The following COL4A5 variants were observed in gnomAD, a reference collection of about 807,000 sequenced individuals.
The protein encoded by COL4A5 is collagen alpha-5(IV) chain.
In COL4A5, 26 loss-of-function variants were observed where a neutral mutation model predicts 130.2. The ratio of observed to expected loss-of-function variants is 0.20; its 90% confidence interval spans 0.15 to 0.28. The LOEUF is 0.28. COL4A5 is among the 10% of genes least tolerant of loss of function. The probability of loss-of-function intolerance (pLI) is 1.00; values close to 1 mark genes in which losing one functional copy is unlikely to be tolerated. For synonymous variants in COL4A5, 496 were observed against 439.6 expected (o/e 1.13, Z -1.60); for missense variants, 1,131 against 1,344.3 (o/e 0.84, Z 2.48).
chrX:108,602,312 T>A (rs1265741510), intron 27 of COL4A5, among the ~76,000 whole-genome samples: 2 of 112,239 alleles, frequency 1.8e-5, no homozygotes, highest in East Asian at 5.6e-4. Flanking sequence ...CACTTGATGT[T>A]TATTGAGTTA....
Position 108,601,923 on chromosome X carries a change from A to T in COL4A5, c.2080A>T (p.Ile694Leu). The change falls in exon 27 of 53, where the codon ATA becomes TTA. Residue 694 changes from isoleucine (I) to leucine (L), a missense_variant. Physicochemically the swap from Ile to Leu is conservative, Grantham distance 5. Coordinates refer to ENST00000328300, the MANE Select transcript of COL4A5 (RefSeq NM_033380.3). ...GLPGQPGLPG[I>L]PGSKGEPGIP... ...TCCAGGGCAACCAGGCTTGCCAGGG[A>T]TACCTGGTAGCAAAGGAGAACCAGG... 8.6e-7 allele frequency: 1 copy of T among 1,163,741 alleles called. No individual in the cohort carries two copies. Among genetic ancestry groups the T allele is most frequent in the Non-Finnish European group, 1.2e-6 (1 of 868,430 alleles).
chrX:108,520,186 C>T (rs1277779650), intron 1 of COL4A5, among the ~76,000 whole-genome samples: 1 of 111,299 alleles, frequency 9.0e-6, no homozygotes, highest in Admixed American at 9.6e-5. Context: ...CTCTCCTCTT[C>T]TGTTTTCTGG....
intron 22 of COL4A5, 28 bp downstream of exon 22, chrX:108,595,629 A>C: frequency 8.6e-7 from 1 of 1,166,985 alleles, no homozygotes; most frequent in Non-Finnish European, 1.2e-6. Context: ...GTAACCTTCT[A>C]AATATTTTTT....
At chrX:108,477,975 GT>G (rs1337496654) in intron 1 of COL4A5, among the ~76,000 whole-genome samples, 1 of 110,831 alleles carries the variant, frequency 9.0e-6, no homozygotes, top group African/African-American at 3.3e-5. Context: ...GCAGGTCGTG[GT>G]TTTTTTTCCT....
chrX:108,526,660 CT>C (rs776259186), intron 1 of COL4A5, among the ~76,000 whole-genome samples: 788 of 38,684 alleles, frequency 0.02, 40 homozygotes, highest in African/African-American at 0.08. Flanking sequence ...TTCTTTCTTT[CT>C]TCTTTCTTTC....
chrX:108,580,822 C>G (rs761049283), intron 15 of COL4A5, 84 bp downstream of exon 15: 76 of 1,003,969 alleles, frequency 7.6e-5, no homozygotes, highest in Non-Finnish European at 9.7e-5. Context: ...CCTACATCTT[C>G]CATTGTTTCA....
chrX:108,621,178 G>T (rs2067041285), intron 31 of COL4A5, among the ~76,000 whole-genome samples: 1 of 88,332 alleles, frequency 1.1e-5, no homozygotes, highest in African/African-American at 4.5e-5. Flanking sequence ...TTTGAGACAG[G>T]GTCTCACTCT....
chrX:108,661,427 T>A (rs541133574), intron 37 of COL4A5, among the ~76,000 whole-genome samples: 3 of 112,127 alleles, frequency 2.7e-5, no homozygotes, highest in African/African-American at 9.7e-5. Context: ...TTCCATTTGG[T>A]TCTTTTAAGA....
At chrX:108,587,364 G>A (rs1278153780) in intron 19 of COL4A5, among the ~76,000 whole-genome samples, 1 of 105,822 alleles carries the variant, frequency 9.4e-6, no homozygotes, top group Non-Finnish European at 1.9e-5. Flanking sequence ...ATGAGAACAT[G>A]CATTTGTATT....
chrX:108,520,719 C>T (rs755920237), intron 1 of COL4A5, among the ~76,000 whole-genome samples: 1 of 111,477 alleles, frequency 9.0e-6, no homozygotes, highest in Admixed American at 9.5e-5. Flanking sequence ...TCCAACCTTT[C>T]TGTGTAACTG....
rs2068742467 is a variant in COL4A5, at chrX:108,696,740, A to G, written c.*362A>G. On this transcript the variant is annotated 3_prime_UTR_variant, in exon 53 of 53. Transcript: ENST00000328300. Reference sequence around the variant, plus strand: ...CACATTGAGTAAAATAAAAGACTGCAGTTTGTGGGAAGAATTATTTTTCAC... The same window carrying G: ...CACATTGAGTAAAATAAAAGACTGCGGTTTGTGGGAAGAATTATTTTTCAC... The G allele has an allele frequency of 7.7e-6, 1 of 130,619 alleles. No individual in the cohort carries two copies. Among genetic ancestry groups the G allele is most frequent in the South Asian group, 2.4e-4 (1 of 4,096 alleles). The allele number at this position is 130,619 out of a possible 1,213,427, so 10.8% of individuals were successfully genotyped here.
At chrX:108,504,068 A>C (rs1457522630) in intron 1 of COL4A5, among the ~76,000 whole-genome samples, 1 of 111,840 alleles carries the variant, frequency 8.9e-6, no homozygotes, top group Non-Finnish European at 1.9e-5. Context: ...AAAAGAATAG[A>C]GAACTGAGAA....
At chrX:108,569,177 TA>T (rs958270406) in intron 6 of COL4A5, 1 of 144,232 alleles carries the variant, frequency 6.9e-6, no homozygotes. Flanking sequence ...TTGCCATTAT[TA>T]AAAAACTAGG....
At chrX:108,647,724 T>C (rs1445515308) in intron 36 of COL4A5, among the ~76,000 whole-genome samples, 1 of 111,913 alleles carries the variant, frequency 8.9e-6, no homozygotes, top group Non-Finnish European at 1.9e-5. Context: ...GAGTTTGTCA[T>C]AGATAGCTCT....
At position 108,655,524 on chromosome X, in the gene COL4A5, C is replaced by A. The variant is rs181206891; in HGVS notation, c.3373+67C>A. ...ATCTACTCCAACCAGTATCACAGAG[C>A]AGCTTCTTATTTGGCAGACTTATAT... On this transcript the variant is annotated intron_variant, in intron 37 of 52. Coordinates refer to ENST00000328300, the MANE Select transcript of COL4A5 (RefSeq NM_033380.3). 1.6e-5 allele frequency: 18 copies of A among 1,133,659 alleles called. No individual in the cohort carries two copies. In the East Asian group the frequency reaches 5.1e-4, roughly 32 times the overall value. The allele number at this position is 1,133,659 out of a possible 1,213,427, so 93.4% of individuals were successfully genotyped here.
chrX:108,639,963 T>C (rs1397262651), intron 36 of COL4A5, among the ~76,000 whole-genome samples: 1 of 112,431 alleles, frequency 8.9e-6, no homozygotes, highest in Non-Finnish European at 1.9e-5. Flanking sequence ...GCAGCCACTA[T>C]GGAAAACATT....
intron 41 of COL4A5, among the ~76,000 whole-genome samples, chrX:108,668,831 C>T (rs1383522512): frequency 3.6e-5 from 4 of 111,814 alleles, no homozygotes; most frequent in Non-Finnish European, 5.6e-5. Context: ...GTTAACCTGT[C>T]AGCAAAATGC....
intron 19 of COL4A5, among the ~76,000 whole-genome samples, chrX:108,589,304 A>G (rs1186239767): frequency 3.6e-5 from 4 of 111,266 alleles, no homozygotes; most frequent in Non-Finnish European, 7.6e-5. Context: ...TAAAATGTAT[A>G]ACATACACAC....
intron 42 of COL4A5, 144 bp from the exon 43 acceptor site, chrX:108,674,601 T>C (rs1398337258): frequency 1.6e-6 from 1 of 611,653 alleles, no homozygotes; most frequent in Non-Finnish European, 2.6e-6. Flanking sequence ...GCTGTAAGTA[T>C]AAGAAATGCT....
Sources: allele counts gnomAD v4.1 joint callset (sites outside exome capture counted in the v4.1 genomes callset), GRCh38; gene constraint gnomAD v4.1.1; transcripts MANE v1.5; gene names NCBI Gene and HGNC (gene_info 2026-07-23, HGNC 2026-07-21).